RADX: variants seen among roughly 807,000 people sequenced by gnomAD.
The protein encoded by RADX is RPA1 related single stranded DNA binding protein, X-linked, also known as RPA-related protein RADX.
RADX carries 36 observed loss-of-function variants against 61.6 expected under a neutral mutation model. That is an observed-to-expected ratio of 0.58 (90% CI 0.45 to 0.77). The LOEUF is 0.77. RADX is among the 30% of genes least tolerant of loss of function. The pLI, the probability that RADX is intolerant of heterozygous loss-of-function variation, is 0.00. For missense variants in RADX, 497 were observed against 651.1 expected, an observed-to-expected ratio of 0.76 and a Z score of 2.58; for synonymous variants, 272 against 237.9, an observed-to-expected ratio of 1.14 and a Z score of -1.32.
At chrX:106,641,450 C>A (rs756884094) in intron 10 of RADX, among the ~76,000 whole-genome samples, 1 of 111,021 alleles carries the variant, frequency 9.0e-6, no homozygotes, top group South Asian at 3.9e-4. Flanking sequence ...GGGCAAAATT[C>A]TTCTGCATCT....
At chrX:106,615,300 T>C (rs1243105445) in intron 1 of RADX, among the ~76,000 whole-genome samples, 1 of 112,166 alleles carries the variant, frequency 8.9e-6, no homozygotes, top group Non-Finnish European at 1.9e-5. Context: ...GGTCTGGCCG[T>C]GTTGCAATAG....
intron 13 of RADX, 122 bp downstream of exon 13, chrX:106,669,452 G>T: frequency 2.3e-6 from 1 of 442,341 alleles, no homozygotes; most frequent in South Asian, 5.0e-5. Flanking sequence ...TAATTAAAGG[G>T]TTATTTGGTA....
intron 12 of RADX, among the ~76,000 whole-genome samples, chrX:106,663,722 A>G (rs1428766170): frequency 8.9e-6 from 1 of 111,813 alleles, no homozygotes; most frequent in African/African-American, 3.2e-5. Context: ...ATATCAAAAT[A>G]TCTCATGTAC....
chrX:106,640,570 A>G lies in RADX; in HGVS notation c.1753A>G (p.Thr585Ala), dbSNP rs1376522964. Reference protein sequence around the residue: ...ETLRNANRPSTSQAARVEIQE... With the variant: ...ETLRNANRPSASQAARVEIQE... Reference sequence around the variant, plus strand: ...GTTTTAGAATGCTAACAGACCCTCGACCTCTCAAGCAGCTAGAGTAGAAAT... The same window carrying G: ...GTTTTAGAATGCTAACAGACCCTCGGCCTCTCAAGCAGCTAGAGTAGAAAT... The change falls in exon 10 of 14, where the codon ACC becomes GCC. Residue 585 changes from threonine to alanine, a missense_variant. Coordinates refer to ENST00000372548, the MANE Select transcript of RADX (RefSeq NM_018015.6). The G allele has an allele frequency of 6.7e-6, 8 of 1,194,260 alleles. No individual in the cohort carries two copies. The South Asian group carries it at 1.1e-4, about 17-fold the overall frequency.
chrX:106,627,057 C>G (rs1249078418), intron 3 of RADX, among the ~76,000 whole-genome samples: 1 of 112,167 alleles, frequency 8.9e-6, no homozygotes, highest in East Asian at 2.8e-4. Flanking sequence ...CAAAAACTTG[C>G]AGCCATCTGC....
chrX:106,639,208 T>G (rs1927442921), intron 8 of RADX: 1 of 161,742 alleles, frequency 6.2e-6, no homozygotes, highest in East Asian at 1.4e-4. Context: ...GTGTTTGAAA[T>G]AATTAAAATG....
At chrX:106,665,472 A>G (rs148921690) in intron 12 of RADX, among the ~76,000 whole-genome samples, 1,489 of 111,225 alleles carry the variant, frequency 0.013, 9 homozygotes, top group Middle Eastern at 0.028. Context: ...TTAACTATTT[A>G]AAAATGTGAA....
intron 13 of RADX, among the ~76,000 whole-genome samples, chrX:106,670,365 C>T (rs977613524): frequency 2.7e-5 from 3 of 110,695 alleles, no homozygotes; most frequent in African/African-American, 9.8e-5. Context: ...ACTTATGTTA[C>T]ATGTCTTCTG....
At chrX:106,650,681 T>C (rs1001711651) in intron 11 of RADX, among the ~76,000 whole-genome samples, 2 of 111,426 alleles carry the variant, frequency 1.8e-5, no homozygotes, top group Non-Finnish European at 3.8e-5. Flanking sequence ...CCTTCCAAAG[T>C]GCTACAGGTG....
intron 12 of RADX, among the ~76,000 whole-genome samples, chrX:106,668,649 T>C (rs1254909724): frequency 8.9e-6 from 1 of 112,085 alleles, no homozygotes; most frequent in African/African-American, 3.2e-5. Flanking sequence ...TAGCCCTTTT[T>C]CTAGCACAAC....
chrX:106,677,525 G>A (rs1928541366), intron 13 of RADX, among the ~76,000 whole-genome samples: 4 of 104,631 alleles, frequency 3.8e-5, no homozygotes, highest in East Asian at 3.0e-4. Context: ...TCTGAGAAGC[G>A]AATTGTCTTA....
intron 13 of RADX, among the ~76,000 whole-genome samples, chrX:106,676,071 A>G (rs766399633): frequency 1.8e-5 from 2 of 112,094 alleles, no homozygotes; most frequent in South Asian, 7.4e-4. Flanking sequence ...TTGTGGATAG[A>G]AGTAAGTCAT....
At chrX:106,655,329 AT>A (rs200737498) in intron 11 of RADX, among the ~76,000 whole-genome samples, 17 of 93,187 alleles carry the variant, frequency 1.8e-4, no homozygotes, top group Admixed American at 3.5e-4. Context: ...TATTAGCTTT[AT>A]TTTTTTTTCA....
chrX:106,655,687 C>T (rs1927924206), intron 11 of RADX, among the ~76,000 whole-genome samples: 1 of 111,295 alleles, frequency 9.0e-6, no homozygotes, highest in Admixed American at 9.6e-5. Flanking sequence ...TTTTTTATGG[C>T]TACATAGTAT....
intron 11 of RADX, among the ~76,000 whole-genome samples, chrX:106,659,585 CA>C (rs543382105): frequency 6.3e-5 from 7 of 110,395 alleles, no homozygotes; most frequent in African/African-American, 1.3e-4. Flanking sequence ...TATTAATATT[CA>C]AAAAAAACTA....
chrX:106,612,058 A>G lies in RADX; in HGVS notation c.-23A>G. ...GGGGCAAACTAGCTTTTGGGAGTGA[A>G]GCGGGTACGCAGTTATCCAACAATG... is the stretch of plus-strand genomic sequence containing the variant. On this transcript the variant is annotated 5_prime_UTR_variant, in exon 1 of 14. Coordinates refer to ENST00000372548, the MANE Select transcript of RADX (RefSeq NM_018015.6). 8.4e-7 allele frequency: 1 copy of G among 1,184,310 alleles called. No individual in the cohort carries two copies. Among genetic ancestry groups the G allele is most frequent in the Non-Finnish European group, 1.1e-6 (1 of 882,385 alleles).
intron 10 of RADX, among the ~76,000 whole-genome samples, chrX:106,646,350 T>C (rs1203192720): frequency 1.8e-5 from 2 of 110,599 alleles, no homozygotes; most frequent in Non-Finnish European, 3.8e-5. Context: ...ATGGGTTGAA[T>C]TGTGTCCCCA....
chrX:106,647,746 A>G (rs950703466), intron 10 of RADX, among the ~76,000 whole-genome samples: 2 of 111,314 alleles, frequency 1.8e-5, no homozygotes, highest in African/African-American at 6.5e-5. Context: ...ATGATCAGTG[A>G]TGTTGAGCAC....
intron 11 of RADX, among the ~76,000 whole-genome samples, chrX:106,659,712 C>A (rs1355473726): frequency 9.0e-6 from 1 of 111,049 alleles, no homozygotes; most frequent in Non-Finnish European, 1.9e-5. Context: ...GCCAATGTCT[C>A]CTGTATTGAT....
Sources: allele counts gnomAD v4.1 joint callset (sites outside exome capture counted in the v4.1 genomes callset), GRCh38; gene constraint gnomAD v4.1.1; transcripts MANE v1.5; gene names NCBI Gene and HGNC (gene_info 2026-07-23, HGNC 2026-07-21).